GFRA3: variants seen among roughly 807,000 people sequenced by gnomAD.
GFRA3 encodes the protein GDNF family receptor alpha-3.
In GFRA3, 24 loss-of-function variants were observed where a neutral mutation model predicts 40.0. The ratio of observed to expected loss-of-function variants is 0.60; its 90% confidence interval spans 0.43 to 0.84. GFRA3 has a LOEUF of 0.84. Among genes scored for constraint, GFRA3 ranks in the 40% least tolerant of loss-of-function variants. The pLI, the probability that GFRA3 is intolerant of heterozygous loss-of-function variation, is 0.00. For missense variants in GFRA3, 405 were observed against 530.6 expected (o/e 0.76, Z 2.33); for synonymous variants, 203 against 213.5 (o/e 0.95, Z 0.43).
chr5:138,274,254 G>C (rs1257268305), intron 1 of GFRA3, 80 bp downstream of exon 1: 2 of 1,303,126 alleles, frequency 1.5e-6, no homozygotes, highest in South Asian at 3.0e-5. Flanking sequence ...CGCCCTCTCC[G>C]GACAGGTGCC....
chr5:138,270,782 T>C (rs1014355487), intron 1 of GFRA3, among the ~76,000 whole-genome samples: 1 of 152,154 alleles, frequency 6.6e-6, no homozygotes, highest in South Asian at 2.1e-4. Flanking sequence ...TAATTTTACA[T>C]GTACAAGATG....
chr5:138,265,674 C>G (rs1342986062), intron 1 of GFRA3, among the ~76,000 whole-genome samples: 1 of 151,900 alleles, frequency 6.6e-6, no homozygotes. Context: ...TCTTCCTTCT[C>G]CTTCTCTTCT....
In GFRA3 at chr5:138,259,072, C is replaced by A. The variant is rs183098367; in HGVS notation, c.472+485G>T. Among the ~76,000 whole-genome samples the A allele has an allele frequency of 2.6e-5, 4 of 152,242 alleles. No homozygotes were observed. In the East Asian group the frequency reaches 7.7e-4, roughly 29 times the overall value. On this transcript the variant is annotated intron_variant, in intron 3 of 7. Coordinates refer to ENST00000274721, the MANE Select transcript of GFRA3 (RefSeq NM_001496.4). ...TTTCCTGAAAAACATGCAACACAGT[C>A]CTTGCCAGACTGATGGCTCCCCACC...
intron 2 of GFRA3, among the ~76,000 whole-genome samples, chr5:138,262,977 T>G: frequency 6.6e-6 from 1 of 152,086 alleles, no homozygotes; most frequent in East Asian, 1.9e-4. Flanking sequence ...TTTGCTTGTT[T>G]TTTTCGAGAC....
chr5:138,256,527 CAAAAAAAACAAACA>C lies in GFRA3; in HGVS notation c.785+1098_785+1111del, dbSNP rs779272812. ...TGGATGACAGAGAGAGACTCCATCT[CAAAAAAAACAAACA>C]AAAAAAAACAAACAAAAAAAAAAAC... On this transcript the variant is annotated intron_variant, in intron 4 of 7. Transcript: ENST00000274721. Among the ~76,000 whole-genome samples, 89 of 115,484 alleles carry C rather than the reference CAAAAAAAACAAACA, an allele frequency of 7.7e-4. 1 individual carries two copies. Among genetic ancestry groups the C allele is most frequent in the East Asian group, 1.7e-3 (7 of 4,022 alleles). The allele number at this position is 115,484 out of a possible 152,430, so 75.8% of individuals were successfully genotyped here. A position where few individuals can be genotyped will look rare whatever the true frequency, so the allele number is the denominator to read the frequency against.
chr5:138,254,269 C>A, intron 4 of GFRA3, 109 bp from the exon 5 acceptor site: 3 of 674,194 alleles, frequency 4.4e-6, no homozygotes, highest in Non-Finnish European at 7.9e-6. Flanking sequence ...CTCACTGCAA[C>A]CTCTGCCTCC....
At chr5:138,273,494 T>C (rs1192380992) in intron 1 of GFRA3, among the ~76,000 whole-genome samples, 3 of 152,234 alleles carry the variant, frequency 2.0e-5, no homozygotes, top group African/African-American at 7.2e-5. Context: ...CTTACTGATG[T>C]TGGCAGGTGG....
intron 1 of GFRA3, among the ~76,000 whole-genome samples, chr5:138,272,009 C>CT (rs558882177): frequency 0.033 from 3,243 of 97,856 alleles, 157 homozygotes; most frequent in Non-Finnish European, 0.045. Flanking sequence ...TTTTCTTTTT[C>CT]TTTTTTTTTT....
intron 7 of GFRA3, 84 bp downstream of exon 7, chr5:138,253,203 G>C: frequency 2.1e-6 from 2 of 950,008 alleles, no homozygotes; most frequent in South Asian, 1.4e-5. Context: ...TCAGCCCCTC[G>C]CCTCTATCCC....
rs2126623934 is a variant in GFRA3, at chr5:138,274,324, T to C, written c.91+10A>G. 7.5e-7 allele frequency: 1 copy of C among 1,332,678 alleles called. No homozygotes were observed. Among genetic ancestry groups the C allele is most frequent in the South Asian group, 2.5e-5 (1 of 39,876 alleles). 82.6% of individuals were successfully genotyped at this position (1,332,678 alleles called of 1,614,324 possible). On this transcript the variant is annotated intron_variant, in intron 1 of 7. Coordinates refer to ENST00000274721, the MANE Select transcript of GFRA3 (RefSeq NM_001496.4). The stretch of plus-strand genomic sequence containing the variant: ...CTGTACCCCCGGCCGGTGCGCGCTC[T>C]GACACTCACCGGCTGCGAGAGGCAG...
Position 138,257,733 on chromosome 5 carries a change from G to A in GFRA3, c.691C>T (p.Arg231Trp), listed in dbSNP as rs1452404055. 5.0e-6 allele frequency: 8 copies of A among 1,609,466 alleles called. No individual in the cohort carries two copies. The highest frequency in any genetic ancestry group is 6.8e-6 in the Non-Finnish European group (8 of 1,178,104). The part of the protein sequence containing the change: ...APNDRGCGER[R>W]RNTIAPNCAL... ...CAGTTGGGGGCGATGGTGTTGCGCC[G>A]GCGCTCCCCGCAGCCCCGGTCGTTG... The change falls in exon 4 of 8, where the codon CGG becomes TGG. Residue 231 changes from arginine (R) to tryptophan (W), a missense_variant. By Grantham distance (101) the Arg-to-Trp change is moderately radical (BLOSUM62 -3). Transcript: ENST00000274721.
intron 1 of GFRA3, among the ~76,000 whole-genome samples, chr5:138,271,851 T>C (rs544974747): frequency 2.7e-5 from 4 of 147,324 alleles, no homozygotes; most frequent in Non-Finnish European, 5.9e-5. Flanking sequence ...ATGCTGGGAT[T>C]ATAGGCGTGA....
chr5:138,264,167 G>T lies in GFRA3; in HGVS notation c.379+94C>A, dbSNP rs561677816. On this transcript the variant is annotated intron_variant, in intron 2 of 7. Coordinates refer to ENST00000274721, the MANE Select transcript of GFRA3 (RefSeq NM_001496.4). ...CAGAGCTTCATTATCCTCCTCCTCA[G>T]ATTCTACCATGTGGCCCATATCCTG... The T allele has an allele frequency of 4.3e-6, 4 of 927,538 alleles. No homozygotes were observed. In the East Asian group the frequency reaches 9.7e-5, roughly 23 times the overall value. The allele number at this position is 927,538 out of a possible 1,614,324, so 57.5% of individuals were successfully genotyped here.
chr5:138,271,783 G>C (rs991727852), intron 1 of GFRA3, among the ~76,000 whole-genome samples: 1 of 148,538 alleles, frequency 6.7e-6, no homozygotes, highest in African/African-American at 2.6e-5. Context: ...TCACCATGTT[G>C]CCCGGGCTGG....
intron 4 of GFRA3, among the ~76,000 whole-genome samples, chr5:138,257,426 T>C (rs546852565): frequency 1.1e-3 from 169 of 152,384 alleles, no homozygotes; most frequent in Non-Finnish European, 1.9e-3. Flanking sequence ...AATACATTTT[T>C]ATATTTCCTG....
In GFRA3 at chr5:138,264,263, A is replaced by C. The variant is rs767094089; in HGVS notation, c.377T>G (p.Leu126Arg). The change falls in exon 2 of 8, where the codon CTT (leucine) becomes CGT (arginine). Residue 126 changes from leucine (L) to arginine (R), a missense_variant and splice_region_variant. Coordinates refer to ENST00000274721, the MANE Select transcript of GFRA3 (RefSeq NM_001496.4). ...CCACTCTATAATGGGAGCCTCACCAAGGCTGCGGGCACGGTGAACGGTCCA... is the reference window on the plus strand; with the variant it reads ...CCACTCTATAATGGGAGCCTCACCACGGCTGCGGGCACGGTGAACGGTCCA... ...IYWTVHRARS[L>R]GNYELDVSPY... The C allele has an allele frequency of 6.3e-7, 1 of 1,592,032 alleles. No individual in the cohort carries two copies. Among genetic ancestry groups the C allele is most frequent in the South Asian group, 1.1e-5 (1 of 89,478 alleles).
intron 1 of GFRA3, among the ~76,000 whole-genome samples, chr5:138,269,158 C>A (rs192911192): frequency 1.2e-3 from 181 of 152,188 alleles, no homozygotes; most frequent in Admixed American, 2.9e-3. Context: ...GGCATGGATG[C>A]GGTGATCAGG....
At chr5:138,254,215 T>G in intron 4 of GFRA3, 55 bp from the exon 5 acceptor site, 1 of 982,094 alleles carries the variant, frequency 1.0e-6, no homozygotes, top group Non-Finnish European at 1.6e-6. Context: ...AGATGATGTC[T>G]CACTCTCTCT....
intron 3 of GFRA3, 134 bp downstream of exon 3, chr5:138,259,423 A>G (rs1315388275): frequency 6.0e-6 from 4 of 662,772 alleles, no homozygotes; most frequent in Non-Finnish European, 1.1e-5. Context: ...CCAGCCTGAC[A>G]CAGTCTTCCT....
Sources: allele counts gnomAD v4.1 joint callset (sites outside exome capture counted in the v4.1 genomes callset), GRCh38; gene constraint gnomAD v4.1.1; transcripts MANE v1.5; gene names NCBI Gene and HGNC (gene_info 2026-07-23, HGNC 2026-07-21).